The following SLC17A9 variants were observed in gnomAD, a reference collection of about 807,000 sequenced individuals.
The protein encoded by SLC17A9 is voltage-gated purine nucleotide uniporter SLC17A9.
SLC17A9 carries 49 observed loss-of-function variants against 55.0 expected under a neutral mutation model. That is an observed-to-expected ratio of 0.89 (90% CI 0.71 to 1.13). The LOEUF is 1.13. Ranked by LOEUF, SLC17A9 falls within the 50% of genes most tolerant of loss-of-function variation. The pLI is 0.00. For missense variants in SLC17A9, 526 were observed against 569.3 expected, an observed-to-expected ratio of 0.92 and a Z score of 0.77; for synonymous variants, 256 against 247.4, an observed-to-expected ratio of 1.03 and a Z score of -0.32.
At position 62,964,239 on chromosome 20, in the gene SLC17A9, C is replaced by A; in HGVS notation, c.834C>A (p.Phe278Leu). Residue 278 changes from phenylalanine to leucine, a missense_variant, in exon 8 of 13, where the codon TTC becomes TTA. Phe to Leu is a conservative substitution (Grantham distance 22). Transcript: ENST00000370351. The stretch of plus-strand genomic sequence containing the variant: ...ACTCCCCCCTGCAGGGCTGGATCTT[C>A]AACGTGGTTCCTTGGTTGGTGGCGA... ...ETFPDAKGWI[F>L]NVVPWLVAIP... 1 of 1,614,218 alleles carries A rather than the reference C, an allele frequency of 6.2e-7. No homozygotes were observed. The highest frequency in any genetic ancestry group is 8.5e-7 in the Non-Finnish European group (1 of 1,180,026).
chr20:62,955,595 A>C (rs2065530394), intron 1 of SLC17A9, among the ~76,000 whole-genome samples: 1 of 152,134 alleles, frequency 6.6e-6, no homozygotes, highest in African/African-American at 2.4e-5. Flanking sequence ...TACAGGCATA[A>C]GCCACCGTAC....
At chr20:62,955,119 G>C (rs988689110) in intron 1 of SLC17A9, among the ~76,000 whole-genome samples, 7 of 152,050 alleles carry the variant, frequency 4.6e-5, no homozygotes, top group Admixed American at 3.9e-4. Flanking sequence ...ACCACACTCA[G>C]CTAATTGTTG....
At chr20:62,965,874 A>C (rs1435023259) in intron 10 of SLC17A9, 149 bp downstream of exon 10, 2 of 698,940 alleles carry the variant, frequency 2.9e-6, no homozygotes, top group Non-Finnish European at 4.8e-6. Flanking sequence ...ACTGCACTGA[A>C]GACCCAGTAG....
intron 1 of SLC17A9, chr20:62,953,149 G>A (rs1475837363): frequency 6.6e-7 from 1 of 1,525,018 alleles, no homozygotes; most frequent in Non-Finnish European, 8.9e-7. Flanking sequence ...CTTCCAGGCA[G>A]GGCTATGTTC....
Position 62,968,777 on chromosome 20 carries a change from TC to T in SLC17A9, c.*1278del, listed in dbSNP as rs1323671402. ...CATGCCAGCAGAGCCAGGCTGGGTT[TC>T]GGGGTTCCTTTGCCGCCAGGGGTCC... is the stretch of plus-strand genomic sequence containing the variant. On this transcript the variant is annotated 3_prime_UTR_variant, in exon 13 of 13. Transcript: ENST00000370351. The T allele has an allele frequency of 2.0e-5, 3 of 152,244 alleles. No homozygotes were observed. Among genetic ancestry groups the T allele is most frequent in the Admixed American group, 6.5e-5 (1 of 15,288 alleles). The allele number at this position is 152,244 out of a possible 1,614,324, so 9.4% of individuals were successfully genotyped here.
intron 1 of SLC17A9, among the ~76,000 whole-genome samples, chr20:62,954,914 G>A (rs780840007): frequency 1.3e-5 from 2 of 152,188 alleles, no homozygotes; most frequent in African/African-American, 2.4e-5. Flanking sequence ...TCTAGCTAGC[G>A]GCCAGGCAGT....
chr20:62,956,861 C>T lies in SLC17A9; in HGVS notation c.156C>T (p.Ser52=). ...SSMPICTVSM[S]QDFGWNKKEA... ...TGCCCATCTGCACCGTCTCCATGAG[C>T]CAGGACTTCGGCTGGAACAAGAAGG... The change falls in exon 2 of 13, where the codon AGC becomes AGT. Residue 52 remains serine (S), a synonymous_variant. Transcript: ENST00000370351. 1 of 1,613,550 alleles carries T rather than the reference C, an allele frequency of 6.2e-7. No individual in the cohort carries two copies.
intron 1 of SLC17A9, among the ~76,000 whole-genome samples, chr20:62,954,946 C>T (rs1452383135): frequency 1.3e-5 from 2 of 152,166 alleles, no homozygotes; most frequent in African/African-American, 4.8e-5. Context: ...GCCACCTGGA[C>T]ACAGGTCCCC....
chr20:62,963,041 G>A lies in SLC17A9; in HGVS notation c.629-232G>A, dbSNP rs551040234. 1.9e-4 allele frequency: 122 copies of A among 632,104 alleles called. 1 individual carries two copies. In the South Asian group the frequency reaches 2.2e-3, roughly 12 times the overall value. 39.2% of individuals were successfully genotyped at this position (632,104 alleles called of 1,614,324 possible). A position where few individuals can be genotyped will look rare whatever the true frequency, so the allele number is the denominator to read the frequency against. ...GCAGCCGAGTCTTTGGGTGGCCAGG[G>A]GGCTCTGGAGGAGGCCGTGTGGAGG... On this transcript the variant is annotated intron_variant, in intron 5 of 12. Coordinates refer to ENST00000370351, the MANE Select transcript of SLC17A9 (RefSeq NM_022082.4).
chr20:62,960,384 G>A (rs2065579045), intron 3 of SLC17A9, 120 bp from the exon 4 acceptor site: 1 of 866,618 alleles, frequency 1.2e-6, no homozygotes, highest in Non-Finnish European at 1.8e-6. Context: ...CCCTCGGGTG[G>A]GGAGGTGAGC....
chr20:62,963,710 A>G, intron 7 of SLC17A9, 30 bp downstream of exon 7: 9 of 1,552,058 alleles, frequency 5.8e-6, no homozygotes, highest in Non-Finnish European at 7.0e-6. Context: ...AGGGTGAAGG[A>G]GCGCCCAGAA....
chr20:62,953,522 G>T (rs986139999), intron 1 of SLC17A9, among the ~76,000 whole-genome samples: 4 of 152,240 alleles, frequency 2.6e-5, no homozygotes, highest in African/African-American at 9.6e-5. Context: ...GCTGGGGAGG[G>T]CCTCTGCCAG....
chr20:62,965,579 G>T, intron 9 of SLC17A9, 31 bp from the exon 10 acceptor site: 1 of 1,595,954 alleles, frequency 6.3e-7, no homozygotes, highest in Non-Finnish European at 8.5e-7. Flanking sequence ...CGGGCTGGGT[G>T]CCTCTCCGTC....
intron 8 of SLC17A9, 64 bp downstream of exon 8, chr20:62,964,379 C>G: frequency 6.7e-7 from 1 of 1,503,084 alleles, no homozygotes; most frequent in African/African-American, 1.4e-5. Flanking sequence ...TTTCGAGGGG[C>G]AGGATGCTCC....
chr20:62,968,352 C>G lies in SLC17A9; in HGVS notation c.*852C>G, dbSNP rs2065658298. The G allele has an allele frequency of 2.6e-5, 4 of 152,410 alleles. No homozygotes were observed. In the South Asian group the frequency reaches 8.3e-4, roughly 32 times the overall value. 9.4% of individuals were successfully genotyped at this position (152,410 alleles called of 1,614,324 possible). A position where few individuals can be genotyped will look rare whatever the true frequency, so the allele number is the denominator to read the frequency against. On this transcript the variant is annotated 3_prime_UTR_variant, in exon 13 of 13. Transcript: ENST00000370351. ...TCGAACCCGCATGGCTTTCCCAGGC[C>G]TGGTGATTCTGCTCTCCAGGGACGG...
At chr20:62,960,090 G>A (rs918723176) in intron 3 of SLC17A9, among the ~76,000 whole-genome samples, 1 of 152,258 alleles carries the variant, frequency 6.6e-6, no homozygotes, top group East Asian at 1.9e-4. Flanking sequence ...ATGCGTATGC[G>A]TGTATCTGCA....
chr20:62,965,597 C>T lies in SLC17A9; in HGVS notation c.946-13C>T, dbSNP rs973782615. The T allele has an allele frequency of 2.1e-5, 33 of 1,608,752 alleles. No individual in the cohort carries two copies. Among genetic ancestry groups the T allele is most frequent in the Non-Finnish European group, 2.2e-5 (26 of 1,178,956 alleles). On this transcript the variant is annotated splice_polypyrimidine_tract_variant and intron_variant, in intron 9 of 12. Coordinates refer to ENST00000370351, the MANE Select transcript of SLC17A9 (RefSeq NM_022082.4). ...GCTGGGTGCCTCTCCGTCACGGTGG[C>T]GCTTTCCTGCAGGGCATGGGCCTTG...
chr20:62,957,630 A>C, intron 3 of SLC17A9, 50 bp downstream of exon 3: 1 of 1,455,350 alleles, frequency 6.9e-7, no homozygotes, highest in African/African-American at 1.4e-5. Flanking sequence ...CCAGGTGGGG[A>C]GACAAGGGGG....
chr20:62,955,558 C>T (rs1035181582), intron 1 of SLC17A9, among the ~76,000 whole-genome samples: 1 of 152,146 alleles, frequency 6.6e-6, no homozygotes, highest in African/African-American at 2.4e-5. Context: ...GTGATCTGCC[C>T]ACCTCGGCCT....
Sources: gnomAD v4.1 joint callset for allele counts (sites outside exome capture counted in the v4.1 genomes callset) on GRCh38, gnomAD v4.1.1 for gene constraint, MANE v1.5 for transcripts, NCBI Gene and HGNC (gene_info 2026-07-23, HGNC 2026-07-21) for gene names.